GRIA1: variants seen among roughly 807,000 people sequenced by gnomAD.
GRIA1 encodes the protein glutamate receptor 1.
A neutral mutation model predicts 99.2 loss-of-function variants in GRIA1; 31 were observed. The ratio of observed to expected loss-of-function variants is 0.31; its 90% CI spans 0.23 to 0.42. The LOEUF (loss-of-function observed/expected upper bound fraction) is 0.42, where lower values mean the gene tolerates loss of function less well. GRIA1 is among the 10% of genes least tolerant of loss of function. The probability of loss-of-function intolerance (pLI) is 1.00; values close to 1 mark genes in which losing one functional copy is unlikely to be tolerated. For missense variants in GRIA1, 782 were observed against 1,157.5 expected, an observed-to-expected ratio of 0.68 and a Z score of 4.71; for synonymous variants, 438 against 432.4, an observed-to-expected ratio of 1.01 and a Z score of -0.16.
intron 9 of GRIA1, 64 bp from the exon 10 acceptor site, chr5:153,698,803 A>C: frequency 9.5e-7 from 1 of 1,050,664 alleles, no homozygotes; most frequent in Non-Finnish European, 1.5e-6. Flanking sequence ...GCTATGCCAA[A>C]GTCCTCCCTA....
chr5:153,518,298 C>T (rs1448924058), intron 2 of GRIA1, among the ~76,000 whole-genome samples: 1 of 151,908 alleles, frequency 6.6e-6, no homozygotes, highest in Non-Finnish European at 1.5e-5. Flanking sequence ...TATCTGATGT[C>T]TTTTTTTACC....
chr5:153,579,118 T>C (rs544472135), intron 2 of GRIA1, among the ~76,000 whole-genome samples: 1 of 152,072 alleles, frequency 6.6e-6, no homozygotes, highest in African/African-American at 2.4e-5. Context: ...TGAAAATGCT[T>C]TATAAACTGT....
chr5:153,530,296 T>A lies in GRIA1; in HGVS notation c.220+36231T>A, dbSNP rs574591954. 2.6e-5 allele frequency among the ~76,000 whole-genome samples: 4 copies of A among 152,354 alleles called. No homozygotes were observed. In the East Asian group the frequency reaches 7.7e-4, roughly 29 times the overall value. On this transcript the variant is annotated intron_variant, in intron 2 of 15. Coordinates refer to ENST00000285900, the MANE Select transcript of GRIA1 (RefSeq NM_000827.4). ...ATTTAACTGCTATGGTACACTGCTC[T>A]GTAGATGTTAAAATTACTTTTGGTG...
chr5:153,646,851 A>G (rs1581395462), intron 2 of GRIA1, 77 bp from the exon 3 acceptor site: 1 of 1,478,360 alleles, frequency 6.8e-7, no homozygotes, highest in Non-Finnish European at 9.3e-7. Context: ...TGGATGAACT[A>G]GTGGATGGAT....
At chr5:153,724,065 A>G (rs1760305462) in intron 11 of GRIA1, among the ~76,000 whole-genome samples, 1 of 152,224 alleles carries the variant, frequency 6.6e-6, no homozygotes, top group South Asian at 2.1e-4. Context: ...AGGAACGATC[A>G]GACAGCAGCA....
chr5:153,679,777 G>A (rs540473903), intron 7 of GRIA1, among the ~76,000 whole-genome samples: 2 of 152,298 alleles, frequency 1.3e-5, no homozygotes, highest in East Asian at 3.9e-4. Context: ...GTCACATAGT[G>A]GGAGAGAACC....
Position 153,761,337 on chromosome 5 carries a change from G to A in GRIA1, c.1824-3097G>A, listed in dbSNP as rs116318334. Among the ~76,000 whole-genome samples the A allele has an allele frequency of 2.0e-3, 307 of 151,944 alleles. 3 individuals are homozygous for A. The highest frequency in any genetic ancestry group is 6.9e-3 in the African/African-American group (288 of 41,474). ...TCAATAGCAAAAATGCAAATACGTC[G>A]ATTAAAAATGGGCAAAAAACCTGCA... On this transcript the variant is annotated intron_variant, in intron 11 of 15. Coordinates refer to ENST00000285900, the MANE Select transcript of GRIA1 (RefSeq NM_000827.4).
chr5:153,541,025 C>T (rs1419744646), intron 2 of GRIA1, among the ~76,000 whole-genome samples: 1 of 152,166 alleles, frequency 6.6e-6, no homozygotes, highest in Non-Finnish European at 1.5e-5. Flanking sequence ...TTCCCATTTC[C>T]AGGCTCTTCT....
chr5:153,518,495 A>G (rs933332765), intron 2 of GRIA1, among the ~76,000 whole-genome samples: 2 of 152,206 alleles, frequency 1.3e-5, no homozygotes, highest in African/African-American at 4.8e-5. Context: ...TACAGACATG[A>G]AAAATACACA....
chr5:153,690,598 A>T (rs997734832), intron 8 of GRIA1, among the ~76,000 whole-genome samples: 3 of 151,960 alleles, frequency 2.0e-5, no homozygotes, highest in African/African-American at 7.3e-5. Flanking sequence ...GTACTTTTAA[A>T]CTCCCTTCTA....
intron 2 of GRIA1, among the ~76,000 whole-genome samples, chr5:153,594,188 G>A (rs1250059240): frequency 6.6e-6 from 1 of 152,068 alleles, no homozygotes; most frequent in Non-Finnish European, 1.5e-5. Flanking sequence ...CAAGACAATC[G>A]CCTTTTTTAA....
chr5:153,677,290 T>C (rs1208604368), intron 7 of GRIA1, 129 bp downstream of exon 7: 5 of 645,322 alleles, frequency 7.7e-6, no homozygotes, highest in Non-Finnish European at 1.1e-5. Context: ...ACCACTGCAT[T>C]GTTGGTGTTG....
chr5:153,492,368 C>T (rs1236299542), intron 1 of GRIA1: 6 of 1,438,978 alleles, frequency 4.2e-6, no homozygotes, highest in Non-Finnish European at 5.5e-6. Context: ...AGGGGAGACA[C>T]TTCCCTTGTA....
intron 11 of GRIA1, among the ~76,000 whole-genome samples, chr5:153,742,682 C>T (rs1166570468): frequency 1.3e-5 from 2 of 152,158 alleles, no homozygotes; most frequent in South Asian, 2.1e-4. Flanking sequence ...CCTTAGTCTT[C>T]GACTTGTGGC....
At chr5:153,578,807 C>T (rs1762797969) in intron 2 of GRIA1, among the ~76,000 whole-genome samples, 1 of 152,108 alleles carries the variant, frequency 6.6e-6, no homozygotes, top group Non-Finnish European at 1.5e-5. Context: ...ACTTGGGAGG[C>T]TGAGGCAGGA....
chr5:153,741,819 G>A (rs1761810607), intron 11 of GRIA1, among the ~76,000 whole-genome samples: 1 of 151,950 alleles, frequency 6.6e-6, no homozygotes, highest in African/African-American at 2.4e-5. Context: ...GTAAGCTCTA[G>A]AGAGCTGATG....
chr5:153,491,285 G>C, intron 1 of GRIA1: 7 of 1,294,564 alleles, frequency 5.4e-6, no homozygotes, highest in Non-Finnish European at 6.9e-6. Context: ...GGGTGTTTAA[G>C]GAGTTAACTC....
chr5:153,764,059 G>A (rs1165775372), intron 11 of GRIA1, among the ~76,000 whole-genome samples: 3 of 152,112 alleles, frequency 2.0e-5, no homozygotes, highest in Non-Finnish European at 2.9e-5. Context: ...ATTCATACAT[G>A]TTTGCACAAA....
chr5:153,637,759 C>T (rs530461506), intron 2 of GRIA1, among the ~76,000 whole-genome samples: 1 of 152,272 alleles, frequency 6.6e-6, no homozygotes, highest in East Asian at 1.9e-4. Context: ...TGATCAAGTT[C>T]AGTGGACTGA....
Sources: gnomAD v4.1 joint callset for allele counts (sites outside exome capture counted in the v4.1 genomes callset) on GRCh38, gnomAD v4.1.1 for gene constraint, MANE v1.5 for transcripts, NCBI Gene and HGNC (gene_info 2026-07-23, HGNC 2026-07-21) for gene names.